Variants in PDE1C observed in about 807,000 individuals in gnomAD.
The protein encoded by PDE1C is phosphodiesterase 1C.
A neutral mutation model predicts 93.1 loss-of-function variants in PDE1C; 62 were observed. The observed-to-expected ratio is 0.67, with a 90% CI of 0.54 to 0.82. The LOEUF is 0.82. Among genes scored for constraint, PDE1C ranks in the 40% least tolerant of loss-of-function variants. The pLI is 0.00. For missense variants in PDE1C, 742 were observed against 884.6 expected (o/e 0.84, Z 2.04); for synonymous variants, 325 against 310.1 (o/e 1.05, Z -0.50).
intron 3 of PDE1C, among the ~76,000 whole-genome samples, chr7:32,111,467 CAG>C (rs769467273): frequency 1.5e-4 from 23 of 152,080 alleles, no homozygotes; most frequent in Non-Finnish European, 3.2e-4. Context: ...GTGCAGGAAA[CAG>C]GGGTGGGATG....
At chr7:32,137,423 C>T (rs759488428) in intron 3 of PDE1C, among the ~76,000 whole-genome samples, 11 of 152,182 alleles carry the variant, frequency 7.2e-5, no homozygotes, top group Admixed American at 1.3e-4. Context: ...TCATATGCTT[C>T]GCTTAGGTGT....
intron 1 of PDE1C, among the ~76,000 whole-genome samples, chr7:32,068,704 A>T (rs1024428834): frequency 6.6e-6 from 1 of 152,228 alleles, no homozygotes; most frequent in Non-Finnish European, 1.5e-5. Flanking sequence ...TGCTGATTTG[A>T]CCAAACACTT....
intron 16 of PDE1C, among the ~76,000 whole-genome samples, chr7:31,795,280 G>C (rs184424044): frequency 7.2e-5 from 11 of 151,828 alleles, no homozygotes; most frequent in Non-Finnish European, 1.5e-4. Flanking sequence ...TGTTAATAGA[G>C]TTTCTTTTGG....
chr7:31,695,754 G>A, the PDE1C span: 104 of 824,618 alleles, frequency 1.3e-4, no homozygotes, highest in Admixed American at 2.9e-4. Flanking sequence ...CTGTATCTCT[G>A]TATTAGTTAC....
intron 2 of PDE1C, among the ~76,000 whole-genome samples, chr7:32,185,023 A>T (rs148033578): frequency 0.024 from 3,600 of 151,988 alleles, 138 homozygotes; most frequent in African/African-American, 0.082. Context: ...AGGCAGGATA[A>T]GCTCTTGAAC....
the PDE1C span, among the ~76,000 whole-genome samples, chr7:31,682,082 C>T: frequency 6.6e-6 from 1 of 152,270 alleles, no homozygotes; most frequent in South Asian, 2.1e-4. Flanking sequence ...TACTTGACCT[C>T]CCTGGGCCTC....
chr7:31,798,319 T>C (rs542871366), intron 16 of PDE1C, among the ~76,000 whole-genome samples: 1 of 151,768 alleles, frequency 6.6e-6, no homozygotes, highest in South Asian at 2.1e-4. Flanking sequence ...TGTTCTGCCA[T>C]TGTGTAGAGC....
chr7:31,707,945 C>T, the PDE1C span: 1 of 152,156 alleles, frequency 6.6e-6, no homozygotes, highest in African/African-American at 2.4e-5. Context: ...AGCAATGTAT[C>T]TTCAAATTTA....
At chr7:32,371,488 C>T (rs1358138048) in intron 1 of PDE1C, among the ~76,000 whole-genome samples, 2 of 152,150 alleles carry the variant, frequency 1.3e-5, no homozygotes, top group Non-Finnish European at 2.9e-5. Flanking sequence ...TAGTGCTTGG[C>T]AGATTTCCTG....
chr7:31,957,794 A>G (rs746524416), intron 2 of PDE1C, among the ~76,000 whole-genome samples: 10 of 152,174 alleles, frequency 6.6e-5, no homozygotes, highest in Non-Finnish European at 1.3e-4. Flanking sequence ...GAGGGTGTTA[A>G]AAGACAAGCA....
At chr7:32,380,404 A>ATTTTTTTTTTTT (rs55965828) in intron 1 of PDE1C, among the ~76,000 whole-genome samples, 1 of 137,260 alleles carries the variant, frequency 7.3e-6, no homozygotes, top group Non-Finnish European at 1.5e-5. Flanking sequence ...TGCCCGGCTA[A>ATTTTTTTTTTTT]TTTTTTTTTT....
At chr7:31,636,659 T>G in the PDE1C span, among the ~76,000 whole-genome samples, 3 of 152,238 alleles carry the variant, frequency 2.0e-5, no homozygotes, top group African/African-American at 4.8e-5. Context: ...TCCCATACTT[T>G]GTCTACTGCA....
chr7:32,003,187 G>A (rs1284145500), intron 2 of PDE1C, among the ~76,000 whole-genome samples: 1 of 152,208 alleles, frequency 6.6e-6, no homozygotes, highest in Non-Finnish European at 1.5e-5. Flanking sequence ...ATAAGGAAAT[G>A]TAGACTCCCT....
At chr7:32,347,071 TG>T (rs1297141580) in intron 1 of PDE1C, among the ~76,000 whole-genome samples, 6 of 152,238 alleles carry the variant, frequency 3.9e-5, no homozygotes, top group African/African-American at 1.2e-4. Context: ...GTAAATTTTA[TG>T]GTTGTAAATT....
intron 2 of PDE1C, among the ~76,000 whole-genome samples, chr7:31,971,627 C>T (rs567868586): frequency 7.9e-5 from 12 of 152,310 alleles, no homozygotes; most frequent in Admixed American, 3.3e-4. Context: ...TGCTGTATGA[C>T]CTGAGGCTTC....
the PDE1C span, among the ~76,000 whole-genome samples, chr7:31,721,742 A>C: frequency 6.6e-6 from 1 of 152,204 alleles, no homozygotes; most frequent in Non-Finnish European, 1.5e-5. Context: ...CCCATGTACA[A>C]CCACCTGCCG....
intron 2 of PDE1C, among the ~76,000 whole-genome samples, chr7:32,193,992 C>A (rs1364380688): frequency 2.0e-5 from 3 of 146,656 alleles, no homozygotes; most frequent in Non-Finnish European, 4.5e-5. Flanking sequence ...TCCGCTCACT[C>A]CAAGCTCCAC....
At chr7:32,106,764 A>G (rs949077678) in intron 3 of PDE1C, among the ~76,000 whole-genome samples, 19 of 152,160 alleles carry the variant, frequency 1.2e-4, no homozygotes, top group African/African-American at 4.6e-4. Context: ...CTGATACATC[A>G]TATATGGCTT....
rs948506861 is a variant in PDE1C at position 32,261,230 on chromosome 7, C to T, written c.85+37421G>A. Among the ~76,000 whole-genome samples, 5 of 152,242 alleles carry T rather than the reference C, an allele frequency of 3.3e-5. No homozygotes were observed. The East Asian group carries it at 9.7e-4, about 29-fold the overall frequency. ...ACTTTTGTAAAACCTAAGATCAGTG[C>T]TTGAGATATTTTGCAGACCCCCACA... On this transcript the variant is annotated intron_variant, in intron 1 of 18. Transcript: ENST00000396193.
Sources: allele counts gnomAD v4.1 joint callset (sites outside exome capture counted in the v4.1 genomes callset), GRCh38; gene constraint gnomAD v4.1.1; transcripts MANE v1.5; gene names NCBI Gene and HGNC (gene_info 2026-07-23, HGNC 2026-07-21).